ROBO2: variants seen among roughly 807,000 people sequenced by gnomAD.
ROBO2 encodes the protein roundabout homolog 2.
In ROBO2, 53 loss-of-function variants were observed where a neutral mutation model predicts 160.8. The observed-to-expected ratio is 0.33, with a 90% CI of 0.26 to 0.41. The LOEUF is 0.41. ROBO2 is among the 10% of genes least tolerant of loss of function. ROBO2 has a pLI of 1.00. For synonymous variants in ROBO2, 664 were observed against 611.7 expected (o/e 1.09, Z -1.26); for missense variants, 1,577 against 1,722.4 (o/e 0.92, Z 1.49).
At chr3:77,321,237 C>T (rs2064661144) in intron 2 of ROBO2, among the ~76,000 whole-genome samples, 1 of 152,054 alleles carries the variant, frequency 6.6e-6, no homozygotes, top group African/African-American at 2.4e-5. Context: ...ATATTTTAGG[C>T]TGGGCACAGT....
intron 2 of ROBO2, among the ~76,000 whole-genome samples, chr3:75,999,891 A>G (rs147500013): frequency 0.017 from 2,617 of 152,340 alleles, 39 homozygotes; most frequent in Non-Finnish European, 0.026. Context: ...ATTGTTATTA[A>G]ATGATACTGC....
intron 6 of ROBO2, among the ~76,000 whole-genome samples, chr3:77,531,064 A>C (rs796529): frequency 0.76 from 114,740 of 151,834 alleles, 43,624 homozygotes; most frequent in Admixed American, 0.82. Context: ...AATCTACCAG[A>C]TGCCTTGCTT....
chr3:76,279,056 T>TA (rs1708089864), intron 2 of ROBO2, among the ~76,000 whole-genome samples: 1 of 151,766 alleles, frequency 6.6e-6, no homozygotes, highest in Non-Finnish European at 1.5e-5. Flanking sequence ...AACATTTATG[T>TA]ATAGAAAATA....
At chr3:75,931,572 A>C (rs1947539301) in intron 1 of ROBO2, among the ~76,000 whole-genome samples, 1 of 152,054 alleles carries the variant, frequency 6.6e-6, no homozygotes, top group Admixed American at 6.6e-5. Context: ...GACTGGTCTT[A>C]AACTCCTGGA....
intron 2 of ROBO2, among the ~76,000 whole-genome samples, chr3:76,981,476 T>C (rs2060094494): frequency 6.6e-6 from 1 of 152,222 alleles, no homozygotes; most frequent in Non-Finnish European, 1.5e-5. Flanking sequence ...CATATGTATA[T>C]CTTCTTTGGA....
chr3:76,021,420 T>G (rs2066571708), intron 2 of ROBO2, among the ~76,000 whole-genome samples: 2 of 151,824 alleles, frequency 1.3e-5, no homozygotes, highest in Non-Finnish European at 2.9e-5. Context: ...ATTTTGATGA[T>G]AGTCAGCTAC....
rs3073098 is a variant in ROBO2, at chr3:77,598,527, G to GTATATATATATATATATA, written c.2854+1792_2854+1793insATATATATATATATATAT. On this transcript the variant is annotated intron_variant, in intron 19 of 25. Coordinates refer to ENST00000461745, the Ensembl canonical transcript of ROBO2. Reference sequence around the variant, plus strand: ...TACGCACACACATATATATATATGTGTATATATATATATATCCCAAAGCTT... The same window carrying GTATATATATATATATATA: ...TACGCACACACATATATATATATGTGTATATATATATATATATATATATATATATATATCCCAAAGCTT... Among the ~76,000 whole-genome samples the GTATATATATATATATATA allele has an allele frequency of 1.4e-3, 195 of 139,970 alleles. 2 individuals are homozygous for GTATATATATATATATATA. The highest frequency in any genetic ancestry group is 4.8e-3 in the African/African-American group (180 of 37,148). 91.8% of individuals were successfully genotyped at this position (139,970 alleles called of 152,430 possible).
chr3:77,226,281 G>A (rs557928962), intron 2 of ROBO2, among the ~76,000 whole-genome samples: 1 of 151,792 alleles, frequency 6.6e-6, no homozygotes, highest in African/African-American at 2.4e-5. Flanking sequence ...ACCGTTGTAC[G>A]TGAATATTTA....
intron 2 of ROBO2, among the ~76,000 whole-genome samples, chr3:76,073,596 T>G (rs958462912): frequency 1.3e-5 from 2 of 152,038 alleles, no homozygotes; most frequent in Admixed American, 6.6e-5. Context: ...CGGCAGAGTA[T>G]TCTTCTTAAA....
intron 2 of ROBO2, among the ~76,000 whole-genome samples, chr3:76,651,244 G>A (rs1266073172): frequency 1.3e-5 from 2 of 152,054 alleles, no homozygotes; most frequent in East Asian, 3.9e-4. Context: ...TCGCGGCCAG[G>A]ATGACTCCCA....
chr3:77,206,546 C>A (rs1330050937), intron 2 of ROBO2, among the ~76,000 whole-genome samples: 4 of 152,052 alleles, frequency 2.6e-5, no homozygotes, highest in African/African-American at 9.7e-5. Context: ...CTTGATTATG[C>A]CTGCAAAGAC....
exon 22 of ROBO2, chr3:77,617,705 A>T: frequency 6.2e-7 from 1 of 1,614,066 alleles, no homozygotes; most frequent in African/African-American, 1.3e-5. Flanking sequence ...AAGAGATGCA[A>T]CCCATGCTGC....
At chr3:76,652,135 A>G (rs77789685) in intron 2 of ROBO2, among the ~76,000 whole-genome samples, 2,622 of 152,296 alleles carry the variant, frequency 0.017, 83 homozygotes, top group African/African-American at 0.057. Context: ...TGCTCTCATT[A>G]GGAGACCAAA....
intron 2 of ROBO2, among the ~76,000 whole-genome samples, chr3:76,591,466 A>C (rs1423276639): frequency 2.6e-5 from 4 of 152,108 alleles, no homozygotes. Context: ...TACTTCTAAT[A>C]TTTCTGTAGC....
chr3:76,327,192 A>C (rs2073101227), intron 2 of ROBO2, among the ~76,000 whole-genome samples: 1 of 152,126 alleles, frequency 6.6e-6, no homozygotes, highest in South Asian at 2.1e-4. Flanking sequence ...TTAAATGACT[A>C]ATGTGCTTTC....
At chr3:76,526,901 T>G (rs1444177207) in intron 2 of ROBO2, among the ~76,000 whole-genome samples, 2 of 152,132 alleles carry the variant, frequency 1.3e-5, no homozygotes, top group African/African-American at 4.8e-5. Context: ...AATCAGTGAT[T>G]TTGCAATGGT....
intron 2 of ROBO2, among the ~76,000 whole-genome samples, chr3:77,123,940 G>GTATCTATATAGATAGATATGTAGATAATC (rs760422714): frequency 3.1e-3 from 450 of 147,056 alleles, no homozygotes; most frequent in Non-Finnish European, 5.6e-3. Context: ...AGATACACTT[G>GTATCTATATAGATAGATATGTAGATAATC]TATCTATATA....
At chr3:76,354,052 A>G (rs923661077) in intron 2 of ROBO2, among the ~76,000 whole-genome samples, 3 of 151,898 alleles carry the variant, frequency 2.0e-5, no homozygotes, top group Non-Finnish European at 4.4e-5. Context: ...AGTTGTTTTA[A>G]AACTCAACAT....
intron 2 of ROBO2, among the ~76,000 whole-genome samples, chr3:76,997,920 C>T (rs1241667133): frequency 6.6e-6 from 1 of 152,088 alleles, no homozygotes; most frequent in Non-Finnish European, 1.5e-5. Flanking sequence ...ATATGCTTTC[C>T]CATCATCTAG....
Sources: gnomAD v4.1 joint callset for allele counts (sites outside exome capture counted in the v4.1 genomes callset) on GRCh38, gnomAD v4.1.1 for gene constraint, MANE v1.5 for transcripts, NCBI Gene and HGNC (gene_info 2026-07-23, HGNC 2026-07-21) for gene names.